NRXN3: variants seen among roughly 807,000 people sequenced by gnomAD.
The protein encoded by NRXN3 is neurexin III.
NRXN3 carries 32 observed loss-of-function variants against 137.6 expected under a neutral mutation model. That is an observed-to-expected ratio of 0.23 (90% CI 0.18 to 0.31). The LOEUF is 0.31. Ranked by LOEUF, NRXN3 falls within the 10% of genes least tolerant of loss-of-function variation. The probability of loss-of-function intolerance (pLI) is 1.00; values close to 1 mark genes in which losing one functional copy is unlikely to be tolerated. For synonymous variants in NRXN3, 798 were observed against 784.5 expected (o/e 1.02, Z -0.29); for missense variants, 1,574 against 2,062.5 (o/e 0.76, Z 4.59).
At chr14:78,863,414 T>G (rs1442344556) in intron 10 of NRXN3, among the ~76,000 whole-genome samples, 1 of 152,098 alleles carries the variant, frequency 6.6e-6, no homozygotes, top group African/African-American at 2.4e-5. Flanking sequence ...TTTTCCATTG[T>G]TGTTTCTTAT....
chr14:78,863,216 T>A (rs1280913806), intron 10 of NRXN3, among the ~76,000 whole-genome samples: 1 of 152,136 alleles, frequency 6.6e-6, no homozygotes, highest in Middle Eastern at 3.2e-3. Flanking sequence ...TGAATTTATA[T>A]GAACCAATTC....
chr14:78,536,608 CT>C (rs111375477), intron 4 of NRXN3, among the ~76,000 whole-genome samples: 4,771 of 147,466 alleles, frequency 0.032, 137 homozygotes, highest in African/African-American at 0.069. Context: ...GATTATTTTT[CT>C]TTTTTTTTTT....
chr14:78,274,612 G>A (rs1274078138), intron 2 of NRXN3, among the ~76,000 whole-genome samples: 2 of 152,166 alleles, frequency 1.3e-5, no homozygotes, highest in Admixed American at 6.5e-5. Context: ...GTTTCCCTTG[G>A]ACTTGAGGAT....
At chr14:78,422,150 G>C (rs1255850556) in intron 4 of NRXN3, among the ~76,000 whole-genome samples, 1 of 152,144 alleles carries the variant, frequency 6.6e-6, no homozygotes, top group Non-Finnish European at 1.5e-5. Context: ...TGCTGGACTT[G>C]CACTTCTGCC....
chr14:79,819,221 A>C (rs1422059679), intron 20 of NRXN3, among the ~76,000 whole-genome samples: 1 of 152,180 alleles, frequency 6.6e-6, no homozygotes, highest in African/African-American at 2.4e-5. Context: ...ATAATGACAC[A>C]TAGCAGCCAT....
At chr14:78,971,068 T>C (rs2099437443) in intron 14 of NRXN3, among the ~76,000 whole-genome samples, 1 of 152,156 alleles carries the variant, frequency 6.6e-6, no homozygotes, top group Non-Finnish European at 1.5e-5. Context: ...AAGGCATAAA[T>C]TACTGTCATT....
chr14:79,398,001 C>G (rs926799955), intron 15 of NRXN3, among the ~76,000 whole-genome samples: 3 of 152,120 alleles, frequency 2.0e-5, no homozygotes, highest in Non-Finnish European at 4.4e-5. Context: ...AAAAAAGGAC[C>G]CTGAGATCAT....
chr14:79,099,060 A>T (rs1171877222), intron 15 of NRXN3, among the ~76,000 whole-genome samples: 1 of 152,202 alleles, frequency 6.6e-6, no homozygotes, highest in Admixed American at 6.5e-5. Flanking sequence ...TTTCCTGAGC[A>T]CAGAATTTGT....
At chr14:79,504,641 T>G (rs2043586) in intron 16 of NRXN3, among the ~76,000 whole-genome samples, 4 of 97,872 alleles carry the variant, frequency 4.1e-5, no homozygotes, top group African/African-American at 1.5e-4. Context: ...ATGAAGTTTT[T>G]TATATATATA....
At chr14:79,149,671 C>T (rs900885990) in intron 15 of NRXN3, among the ~76,000 whole-genome samples, 1 of 152,000 alleles carries the variant, frequency 6.6e-6, no homozygotes, top group Non-Finnish European at 1.5e-5. Flanking sequence ...GAATACTATA[C>T]AGACATAAAA....
intron 19 of NRXN3, among the ~76,000 whole-genome samples, chr14:79,719,388 G>GTA (rs1491038361): frequency 2.3e-5 from 1 of 43,538 alleles, no homozygotes; most frequent in African/African-American, 6.4e-5. Flanking sequence ...ATATGTGTGT[G>GTA]TATATATATG....
chr14:79,770,471 C>T (rs2099073586), intron 19 of NRXN3, among the ~76,000 whole-genome samples: 1 of 115,920 alleles, frequency 8.6e-6, no homozygotes, highest in Non-Finnish European at 1.8e-5. Flanking sequence ...TTAAGAATCT[C>T]ACTCAAAGCC....
intron 4 of NRXN3, among the ~76,000 whole-genome samples, chr14:78,502,157 G>A (rs183972470): frequency 1.8e-3 from 275 of 152,198 alleles, no homozygotes; most frequent in Admixed American, 4.8e-3. Context: ...GTGTTGAGAG[G>A]CCTGTCCATC....
At chr14:79,635,299 T>A (rs573669326) in intron 16 of NRXN3, among the ~76,000 whole-genome samples, 1 of 152,278 alleles carries the variant, frequency 6.6e-6, no homozygotes, top group Non-Finnish European at 1.5e-5. Context: ...AATCAGATCA[T>A]TTTATGCCTC....
intron 16 of NRXN3, among the ~76,000 whole-genome samples, chr14:79,629,752 C>T (rs1433128209): frequency 6.6e-6 from 1 of 151,896 alleles, no homozygotes; most frequent in African/African-American, 2.4e-5. Flanking sequence ...CAGCATGTTA[C>T]AGCTGAGCCT....
chr14:79,260,606 C>A (rs2077450063), intron 15 of NRXN3, among the ~76,000 whole-genome samples: 2 of 152,122 alleles, frequency 1.3e-5, no homozygotes, highest in Admixed American at 6.6e-5. Context: ...AGCATCCTTG[C>A]CACATTACAG....
intron 19 of NRXN3, among the ~76,000 whole-genome samples, chr14:79,754,920 C>T (rs747332102): frequency 7.9e-5 from 12 of 152,030 alleles, no homozygotes; most frequent in African/African-American, 1.2e-4. Context: ...AGCTGCCATG[C>T]GAAGAAGGTC....
At chr14:78,373,888 G>T (rs1458842047) in intron 4 of NRXN3, among the ~76,000 whole-genome samples, 1 of 152,194 alleles carries the variant, frequency 6.6e-6, no homozygotes, top group Non-Finnish European at 1.5e-5. Flanking sequence ...GCATCTGAAG[G>T]AGTCTGCTAA....
At chr14:78,876,454 A>G (rs994889228) in intron 10 of NRXN3, among the ~76,000 whole-genome samples, 4 of 152,158 alleles carry the variant, frequency 2.6e-5, no homozygotes, top group Non-Finnish European at 2.9e-5. Flanking sequence ...GGTCACTGAA[A>G]CCTCTAATTA....
Sources: gnomAD v4.1 joint callset for allele counts (sites outside exome capture counted in the v4.1 genomes callset) on GRCh38, gnomAD v4.1.1 for gene constraint, MANE v1.5 for transcripts, NCBI Gene and HGNC (gene_info 2026-07-23, HGNC 2026-07-21) for gene names.